PIK3R2: variants seen among roughly 807,000 people sequenced by gnomAD.
PIK3R2 encodes the protein phosphoinositide-3-kinase regulatory subunit 2.
PIK3R2 carries 40 observed loss-of-function variants against 78.5 expected under a neutral mutation model. That is an observed-to-expected ratio of 0.51 (90% CI 0.40 to 0.66). The LOEUF (loss-of-function observed/expected upper bound fraction) is 0.66, where lower values mean the gene tolerates loss of function less well. PIK3R2 is among the 30% of genes least tolerant of loss of function. The pLI, the probability that PIK3R2 is intolerant of heterozygous loss-of-function variation, is 0.00. For missense variants in PIK3R2, 880 were observed against 1,026.6 expected (o/e 0.86, Z 1.95); for synonymous variants, 473 against 457.7 (o/e 1.03, Z -0.43).
chr19:18,155,470 G>T lies in PIK3R2; in HGVS notation c.-410G>T. 2.4e-6 allele frequency: 1 copy of T among 410,550 alleles called. No individual in the cohort carries two copies. Among genetic ancestry groups the T allele is most frequent in the Admixed American group, 4.3e-5 (1 of 23,256 alleles). 25.4% of individuals were successfully genotyped at this position (410,550 alleles called of 1,614,324 possible). A position where few individuals can be genotyped will look rare whatever the true frequency, so the allele number is the denominator to read the frequency against. On this transcript the variant is annotated 5_prime_UTR_variant, in exon 2 of 16. Coordinates refer to ENST00000222254, the MANE Select transcript of PIK3R2 (RefSeq NM_005027.4). The stretch of plus-strand genomic sequence containing the variant: ...CTGTCTCCCTAGGTCGGCGTCCTCA[G>T]CTGGCCGAGCATGGTGGCAGCCTGC...
rs1397846850 is a variant in PIK3R2 at position 18,161,403 on chromosome 19, C to T, written c.723C>T (p.Pro241=). Residue 241 remains proline (P), a synonymous_variant, in exon 6 of 16, where the codon CCC becomes CCT. Coordinates refer to ENST00000222254, the MANE Select transcript of PIK3R2 (RefSeq NM_005027.4). The surrounding 1 kb of genome is among the most constrained non-coding windows in gnomAD (Gnocchi z 5.3). The part of the protein sequence containing the change: ...RVASRAPALG[P]AVRALGATFG... ...CCAGCCGCGCCCCGGCCCTGGGTCCCGCGGTCCGGGCCCTGGGCGCCACCT... is the reference window on the plus strand; with the variant it reads ...CCAGCCGCGCCCCGGCCCTGGGTCCTGCGGTCCGGGCCCTGGGCGCCACCT... The T allele has an allele frequency of 2.7e-5, 33 of 1,219,166 alleles. No homozygotes were observed. The highest frequency in any genetic ancestry group is 3.3e-5 in the Non-Finnish European group (32 of 981,130). The allele number at this position is 1,219,166 out of a possible 1,614,324, so 75.5% of individuals were successfully genotyped here.
At position 18,167,457 on chromosome 19, in the gene PIK3R2, A is replaced by C; in HGVS notation, c.1736+151A>C. 1 of 589,838 alleles carries C rather than the reference A, an allele frequency of 1.7e-6. No homozygotes were observed. The highest frequency in any genetic ancestry group is 2.7e-6 in the Non-Finnish European group (1 of 363,762). The allele number at this position is 589,838 out of a possible 1,614,324, so 36.5% of individuals were successfully genotyped here. ...AACTCGGTTCCTCCCGGGCCCCTTG[A>C]AAGTTTTCCCATAGGTCAGCCTCAG... On this transcript the variant is annotated intron_variant, in intron 13 of 15. Coordinates refer to ENST00000222254, the MANE Select transcript of PIK3R2 (RefSeq NM_005027.4). This position sits in a 1 kb window ranked among gnomAD's most constrained non-coding sequence, Gnocchi z 4.5.
chr19:18,158,222 T>C (rs539473475), intron 2 of PIK3R2, among the ~76,000 whole-genome samples: 9 of 152,182 alleles, frequency 5.9e-5, no homozygotes, highest in African/African-American at 2.2e-4. Flanking sequence ...GGCACAGTGG[T>C]TCATGCCTGT....
intron 11 of PIK3R2, among the ~76,000 whole-genome samples, chr19:18,165,757 T>C (rs1272266971): frequency 1.3e-5 from 2 of 152,172 alleles, no homozygotes; most frequent in African/African-American, 4.8e-5. Context: ...ACCTCAGAAT[T>C]GACTTTGGCC....
At chr19:18,159,780 C>T (rs760120567) in intron 2 of PIK3R2, among the ~76,000 whole-genome samples, 7 of 151,948 alleles carry the variant, frequency 4.6e-5, no homozygotes, top group South Asian at 2.1e-4. Context: ...CTTGCTCTGT[C>T]GCCCAGGCTG....
At chr19:18,153,828 G>A (rs1043404596) in intron 1 of PIK3R2, among the ~76,000 whole-genome samples, 3 of 152,178 alleles carry the variant, frequency 2.0e-5, no homozygotes, top group African/African-American at 4.8e-5. Flanking sequence ...GGGGCGTGGG[G>A]GCGGGCTGGC....
At chr19:18,154,417 C>G (rs1031974439) in intron 1 of PIK3R2, among the ~76,000 whole-genome samples, 1 of 152,196 alleles carries the variant, frequency 6.6e-6, no homozygotes, top group African/African-American at 2.4e-5. Context: ...TGTGCCTACT[C>G]TGGGCCCCAG....
Position 18,160,929 on chromosome 19 carries a change from C to T in PIK3R2, c.426C>T (p.Ser142=), listed in dbSNP as rs1218852326. Reference sequence around the variant, plus strand: ...CCCCTTCACCCCCAGGGCTGGACAGCGAATCTCACTACCGCCCGGAGCTGC... The same window carrying T: ...CCCCTTCACCCCCAGGGCTGGACAGTGAATCTCACTACCGCCCGGAGCTGC... ...VEAIERTGLD[S]ESHYRPELPA... is the part of the protein sequence containing the mutation. The change falls in exon 4 of 16, where the codon AGC becomes AGT. Residue 142 remains serine (S), a synonymous_variant. Coordinates refer to ENST00000222254, the MANE Select transcript of PIK3R2 (RefSeq NM_005027.4). The T allele has an allele frequency of 2.5e-6, 4 of 1,610,270 alleles. No individual in the cohort carries two copies. The highest frequency in any genetic ancestry group is 1.7e-5 in the Admixed American group (1 of 59,604).
chr19:18,164,483 A>G (rs2043786222), intron 11 of PIK3R2, among the ~76,000 whole-genome samples: 1 of 152,206 alleles, frequency 6.6e-6, no homozygotes, highest in Non-Finnish European at 1.5e-5. Context: ...CTCTTAAAAA[A>G]ATAAAATAAA....
Position 18,156,195 on chromosome 19 carries a change from G to A in PIK3R2, c.316G>A (p.Glu106Lys), listed in dbSNP as rs984066830. ...CGCCAGGCCCCGTGATGGGGCCCCT[G>A]AGCCAGGTGAGCAGCAAGCAGGGGC... ...LPARPRDGAPEPGLTLPDLPE... is the reference protein window; with the variant it reads ...LPARPRDGAPKPGLTLPDLPE... The change falls in exon 2 of 16, where the codon GAG (glutamate) becomes AAG (lysine). Residue 106 changes from glutamate (E) to lysine (K), a missense_variant. Physicochemically the swap from Glu to Lys is moderately conservative, Grantham distance 56. This residue lies in a region of PIK3R2 where 456 missense variants were observed against 486.6 expected (regional missense o/e 0.94). Coordinates refer to ENST00000222254, the MANE Select transcript of PIK3R2 (RefSeq NM_005027.4). This position sits in a 1 kb window ranked among gnomAD's most constrained non-coding sequence, Gnocchi z 4.2. The A allele has an allele frequency of 6.8e-7, 1 of 1,464,916 alleles. No individual in the cohort carries two copies. The highest frequency in any genetic ancestry group is 9.0e-7 in the Non-Finnish European group (1 of 1,114,710). 90.7% of individuals were successfully genotyped at this position (1,464,916 alleles called of 1,614,324 possible). A position where few individuals can be genotyped will look rare whatever the true frequency, so the allele number is the denominator to read the frequency against.
Position 18,169,697 on chromosome 19 carries a change from C to A in PIK3R2, c.*403C>A, listed in dbSNP as rs1967136390. The stretch of plus-strand genomic sequence containing the variant: ...AGAGGGCCCCTGGGCTGCGCGGCCC[C>A]AGCCTGGGCACCCTGATTTTTAAGC... On this transcript the variant is annotated 3_prime_UTR_variant, in exon 16 of 16. Transcript: ENST00000222254. 4.6e-6 allele frequency: 1 copy of A among 216,862 alleles called. No individual in the cohort carries two copies. Among genetic ancestry groups the A allele is most frequent in the African/African-American group, 2.3e-5 (1 of 44,116 alleles). 13.4% of individuals were successfully genotyped at this position (216,862 alleles called of 1,614,324 possible).
At chr19:18,158,548 TTA>T (rs1306644505) in intron 2 of PIK3R2, among the ~76,000 whole-genome samples, 2 of 147,902 alleles carry the variant, frequency 1.4e-5, no homozygotes, top group African/African-American at 5.0e-5. Flanking sequence ...AAGTGGATCG[TTA>T]GGGGCCAGGA....
Position 18,163,123 on chromosome 19 carries a change from C to T in PIK3R2, c.1266C>T (p.Leu422=). 1.2e-6 allele frequency: 2 copies of T among 1,614,044 alleles called. No individual in the cohort carries two copies. Among genetic ancestry groups the T allele is most frequent in the Non-Finnish European group, 1.7e-6 (2 of 1,179,982 alleles). The change falls in exon 10 of 16, where the codon CTC becomes CTT. Residue 422 remains leucine, a synonymous_variant. Transcript: ENST00000222254. ...QYNAKLDTRL[L]YPVSKYQQDQ... ...ATGCCAAGCTGGACACACGGCTCCT[C>T]TACCCTGTGTCCAAATACCAGCAGG...
chr19:18,169,202 G>T lies in PIK3R2; in HGVS notation c.2095G>T (p.Ala699Ser), dbSNP rs1438495093. The T allele has an allele frequency of 6.2e-7, 1 of 1,606,872 alleles. No individual in the cohort carries two copies. ...LKELVLHYQH[A>S]SLVQHNDALT... Reference sequence around the variant, plus strand: ...GGAGCTGGTGCTGCACTACCAGCACGCCTCGCTGGTGCAGCACAACGACGC... The same window carrying T: ...GGAGCTGGTGCTGCACTACCAGCACTCCTCGCTGGTGCAGCACAACGACGC... The change falls in exon 16 of 16, where the codon GCC becomes TCC. Residue 699 changes from alanine to serine, a missense_variant. By Grantham distance (99) the Ala-to-Ser change is moderately conservative. Transcript: ENST00000222254.
At position 18,161,940 on chromosome 19, in the gene PIK3R2, C is replaced by G. The variant is rs567532253; in HGVS notation, c.816-26C>G. On this transcript the variant is annotated intron_variant, in intron 6 of 15. Transcript: ENST00000222254. The surrounding 1 kb of genome is among the most constrained non-coding windows in gnomAD (Gnocchi z 5.3). ...GTGGGCGGACAGGCCCTACCCAGCC[C>G]TCACCACACTCCCCTTCCCCCTAAG... 1.2e-5 allele frequency: 20 copies of G among 1,605,298 alleles called. No individual in the cohort carries two copies. In the African/African-American group the frequency reaches 1.3e-4, roughly 11 times the overall value.
Position 18,163,081 on chromosome 19 carries a change from G to A in PIK3R2, c.1224G>A (p.Glu408=), listed in dbSNP as rs764436614. ...VVDLINHYRH[E]SLAQYNAKLD... ...ACCTCATCAATCACTACCGCCACGA[G>A]TCTCTGGCCCAGTACAATGCCAAGC... Residue 408 remains glutamate, a synonymous_variant, in exon 10 of 16, where the codon GAG becomes GAA. Coordinates refer to ENST00000222254, the MANE Select transcript of PIK3R2 (RefSeq NM_005027.4). 8.1e-6 allele frequency: 13 copies of A among 1,613,536 alleles called. No individual in the cohort carries two copies. In the African/African-American group the frequency reaches 1.6e-4, roughly 20 times the overall value.
Position 18,168,888 on chromosome 19 carries a change from C to A in PIK3R2, c.1971C>A (p.Cys657Ter). ...RESSQRGCYACSVVVDGDTKH... is the reference protein window; with the variant it reads ...RESSQRGCYA The stretch of plus-strand genomic sequence containing the variant: ...GCAGCCAGCGGGGCTGCTACGCCTG[C>A]TCCGTGGTGTGAGTGGACCGCAGCG... Residue 657 changes from cysteine to a stop codon, truncating the protein, a stop_gained, in exon 15 of 16, where the codon TGC (cysteine) becomes TGA (stop). Coordinates refer to ENST00000222254, the MANE Select transcript of PIK3R2 (RefSeq NM_005027.4). LOFTEE classifies it high-confidence loss of function. The surrounding 1 kb of genome is among the most constrained non-coding windows in gnomAD (Gnocchi z 4.1). 1.2e-6 allele frequency: 2 copies of A among 1,612,608 alleles called. No homozygotes were observed. The highest frequency in any genetic ancestry group is 1.7e-6 in the Non-Finnish European group (2 of 1,179,356).
chr19:18,153,650 C>A (rs273277), intron 1 of PIK3R2, among the ~76,000 whole-genome samples: 1 of 152,162 alleles, frequency 6.6e-6, no homozygotes, highest in Non-Finnish European at 1.5e-5. Context: ...GGCCGGGGGT[C>A]GAACCCACTT....
At position 18,168,759 on chromosome 19, in the gene PIK3R2, C is replaced by G. The variant is rs372618269; in HGVS notation, c.1842C>G (p.Leu614=). 1.9e-6 allele frequency: 3 copies of G among 1,612,600 alleles called. No individual in the cohort carries two copies. The highest frequency in any genetic ancestry group is 1.3e-5 in the African/African-American group (1 of 74,894). ...QYALMEDEDD[L]PHHEERTWYV... Reference sequence around the variant, plus strand: ...CACTCATGGAGGACGAGGACGATCTCCCGCACCACGAGGAACGCACTTGGT... The same window carrying G: ...CACTCATGGAGGACGAGGACGATCTGCCGCACCACGAGGAACGCACTTGGT... The change falls in exon 15 of 16, where the codon CTC becomes CTG. Residue 614 remains leucine, a synonymous_variant. Transcript: ENST00000222254. This position sits in a 1 kb window ranked among gnomAD's most constrained non-coding sequence, Gnocchi z 4.1.
Sources: allele counts gnomAD v4.1 joint callset (sites outside exome capture counted in the v4.1 genomes callset), GRCh38; gene constraint gnomAD v4.1.1; regional missense constraint gnomAD v4.1.1; non-coding constraint Gnocchi (gnomAD v3.1); transcripts MANE v1.5; gene names NCBI Gene and HGNC (gene_info 2026-07-23, HGNC 2026-07-21).